Variants in DDX23 observed in about 807,000 individuals in gnomAD.
DDX23 encodes the protein probable ATP-dependent RNA helicase DDX23.
In DDX23, 33 loss-of-function variants were observed where a neutral mutation model predicts 102.7. That is an observed-to-expected ratio of 0.32 (90% CI 0.24 to 0.43). The LOEUF is 0.43. Ranked by LOEUF, DDX23 falls within the 20% of genes least tolerant of loss-of-function variation. DDX23 has a pLI of 1.00. For missense variants in DDX23, 549 were observed against 1,086.6 expected, an observed-to-expected ratio of 0.51 and a Z score of 6.96; for synonymous variants, 352 against 376.0, an observed-to-expected ratio of 0.94 and a Z score of 0.74.
intron 15 of DDX23, among the ~76,000 whole-genome samples, chr12:48,831,654 G>A (rs1938388859): frequency 6.6e-6 from 1 of 152,148 alleles, no homozygotes; most frequent in South Asian, 2.1e-4. Flanking sequence ...AAGGAAGTTG[G>A]AGAGCTGAGT....
In DDX23 at chr12:48,837,278, C is replaced by T; in HGVS notation, c.866+3G>A. On this transcript the variant is annotated splice_donor_region_variant and intron_variant, in intron 8 of 16. Transcript: ENST00000308025. ...CCTAGAACTCAGGCCTGAAGCCACTCACAGGGGGTTGTAGTCAATGGATGT... is the reference window on the plus strand; with the variant it reads ...CCTAGAACTCAGGCCTGAAGCCACTTACAGGGGGTTGTAGTCAATGGATGT... 6.2e-7 allele frequency: 1 copy of T among 1,613,216 alleles called. No homozygotes were observed. Among genetic ancestry groups the T allele is most frequent in the East Asian group, 2.2e-5 (1 of 44,848 alleles).
chr12:48,835,874 G>C (rs902585492), intron 11 of DDX23, among the ~76,000 whole-genome samples: 3 of 152,172 alleles, frequency 2.0e-5, no homozygotes, highest in Admixed American at 6.5e-5. Flanking sequence ...CTGGGTGACA[G>C]AGTGAGACTC....
At chr12:48,851,759 A>G (rs1565680911) in intron 1 of DDX23, among the ~76,000 whole-genome samples, 1 of 152,254 alleles carries the variant, frequency 6.6e-6, no homozygotes, top group Non-Finnish European at 1.5e-5. Context: ...TGCGAGAGAA[A>G]AGCCAGAGTT....
At chr12:48,838,550 T>TAAAA (rs753869273) in intron 5 of DDX23, among the ~76,000 whole-genome samples, 1 of 135,792 alleles carries the variant, frequency 7.4e-6, no homozygotes, top group African/African-American at 2.7e-5. Flanking sequence ...ACCTTACCTT[T>TAAAA]AAAAAAAAAA....
At chr12:48,839,942 G>T in intron 4 of DDX23, 33 bp from the exon 5 acceptor site, 1 of 1,613,650 alleles carries the variant, frequency 6.2e-7, no homozygotes, top group Admixed American at 1.7e-5. Flanking sequence ...GTCTATAAAG[G>T]CTCTCTCCCT....
rs1184987661 is a variant in DDX23 at position 48,832,920 on chromosome 12, A to AACATGT, written c.1803+351_1804-348dup. On this transcript the variant is annotated intron_variant, in intron 13 of 16. Coordinates refer to ENST00000308025, the MANE Select transcript of DDX23 (RefSeq NM_004818.3). The surrounding 1 kb of genome is among the most constrained non-coding windows in gnomAD (Gnocchi z 4.4). ...GTACCTAGGCACACTTCATTCTAGA[A>AACATGT]ACATGTACTCTGAGCCCACCTAAGG... The AACATGT allele has an allele frequency of 6.7e-6, 3 of 445,690 alleles. No homozygotes were observed. The highest frequency in any genetic ancestry group is 1.2e-5 in the Non-Finnish European group (3 of 246,568). The allele number at this position is 445,690 out of a possible 1,614,324, so 27.6% of individuals were successfully genotyped here.
chr12:48,837,499 G>T, intron 7 of DDX23, 25 bp downstream of exon 7: 1 of 1,613,940 alleles, frequency 6.2e-7, no homozygotes, highest in Non-Finnish European at 8.5e-7. Flanking sequence ...TGGGAGAGAA[G>T]TGAAGATGGA....
intron 1 of DDX23, among the ~76,000 whole-genome samples, chr12:48,848,996 C>T (rs995048504): frequency 1.3e-5 from 2 of 151,958 alleles, no homozygotes; most frequent in African/African-American, 4.8e-5. Context: ...TCAGGTGATC[C>T]GCCCTGAGTG....
intron 8 of DDX23, 25 bp downstream of exon 8, chr12:48,837,256 A>G: frequency 2.5e-6 from 4 of 1,608,530 alleles, no homozygotes; most frequent in Non-Finnish European, 3.4e-6. Flanking sequence ...GAAAAGACCT[A>G]GAACTCAGGC....
At chr12:48,833,671 C>T (rs1253847385) in intron 12 of DDX23, 152 bp from the exon 13 acceptor site, 1 of 928,808 alleles carries the variant, frequency 1.1e-6, no homozygotes, top group East Asian at 2.5e-5. Flanking sequence ...CTCCTGCAAA[C>T]TGGCATGAAA....
At chr12:48,831,675 C>T (rs1181319779) in intron 15 of DDX23, among the ~76,000 whole-genome samples, 5 of 152,158 alleles carry the variant, frequency 3.3e-5, no homozygotes, top group African/African-American at 1.2e-4. Context: ...GACAGGGACA[C>T]ACCCCTCCCC....
intron 12 of DDX23, 146 bp from the exon 13 acceptor site, chr12:48,833,665 T>C: frequency 1.0e-6 from 1 of 972,846 alleles, no homozygotes; most frequent in African/African-American, 1.6e-5. Flanking sequence ...TAAAGGCTCC[T>C]GCAAACTGGC....
Position 48,837,323 on chromosome 12 carries a change from T to G in DDX23, c.824A>C (p.Glu275Ala). Reference sequence around the variant, plus strand: ...GGATGTGTCCTCAGATGCATCCCACTCAAAAACAAATTTCCGGTCATTGAG... The same window carrying G: ...GGATGTGTCCTCAGATGCATCCCACGCAAAAACAAATTTCCGGTCATTGAG... ...RHLNDRKFVF[E>A]WDASEDTSID... Residue 275 changes from glutamate to alanine, a missense_variant, in exon 8 of 17, where the codon GAG (glutamate) becomes GCG (alanine). Physicochemically the swap from Glu to Ala is moderately radical, Grantham distance 107. This residue lies in a region of DDX23 where 270 missense variants were observed against 707.0 expected (regional missense o/e 0.38). Transcript: ENST00000308025. The G allele has an allele frequency of 6.2e-7, 1 of 1,614,114 alleles. No individual in the cohort carries two copies. The highest frequency in any genetic ancestry group is 8.5e-7 in the Non-Finnish European group (1 of 1,180,024).
At chr12:48,840,715 G>C (rs547751541) in intron 3 of DDX23, among the ~76,000 whole-genome samples, 1 of 151,798 alleles carries the variant, frequency 6.6e-6, no homozygotes, top group South Asian at 2.1e-4. Flanking sequence ...GCCACCACTG[G>C]CTAATTTTTA....
intron 3 of DDX23, among the ~76,000 whole-genome samples, chr12:48,841,130 A>T (rs1938544313): frequency 6.6e-6 from 1 of 152,096 alleles, no homozygotes; most frequent in Non-Finnish European, 1.5e-5. Flanking sequence ...TCACGCCTGT[A>T]ATCCCAGCAC....
At chr12:48,840,338 T>C (rs896920860) in intron 3 of DDX23, among the ~76,000 whole-genome samples, 1 of 152,060 alleles carries the variant, frequency 6.6e-6, no homozygotes, top group African/African-American at 2.4e-5. Flanking sequence ...TTGAGACTAA[T>C]CTCTTTTGGG....
At position 48,830,571 on chromosome 12, in the gene DDX23, T is replaced by C; in HGVS notation, c.2361A>G (p.Pro787=). The C allele has an allele frequency of 6.2e-7, 1 of 1,613,942 alleles. No individual in the cohort carries two copies. The highest frequency in any genetic ancestry group is 8.5e-7 in the Non-Finnish European group (1 of 1,180,016). The part of the protein sequence containing the change: ...YELKQAILES[P]VSSCPPELAN... The stretch of plus-strand genomic sequence containing the variant: ...CTAGTTCGGGGGGACAGGAAGACAC[T>C]GGGCTTTCCAGGATAGCTTGCTTCA... The change falls in exon 17 of 17, where the codon CCA becomes CCG. Residue 787 remains proline (P), a synonymous_variant. Coordinates refer to ENST00000308025, the MANE Select transcript of DDX23 (RefSeq NM_004818.3). This position sits in a 1 kb window ranked among gnomAD's most constrained non-coding sequence, Gnocchi z 4.9.
intron 5 of DDX23, among the ~76,000 whole-genome samples, chr12:48,839,041 A>G (rs1003045351): frequency 6.6e-6 from 1 of 151,950 alleles, no homozygotes; most frequent in Non-Finnish European, 1.5e-5. Context: ...ACAGATGGCT[A>G]ATTTTTAAAA....
chr12:48,836,153 C>G lies in DDX23; in HGVS notation c.1350G>C (p.Leu450=), dbSNP rs1335073508. The change falls in exon 11 of 17, where the codon CTG becomes CTC. Residue 450 remains leucine, a synonymous_variant. Transcript: ENST00000308025. This position sits in a 1 kb window ranked among gnomAD's most constrained non-coding sequence, Gnocchi z 6.1. ...TTTTGGGAAGTGTGGTGATCCAGAC[C>G]AGCAGAGGGATGAGGAAGGCTGCTG... ...GKTAAFLIPL[L]VWITTLPKID... is the part of the protein sequence containing the mutation. 1.2e-6 allele frequency: 2 copies of G among 1,613,208 alleles called. No homozygotes were observed. The highest frequency in any genetic ancestry group is 1.7e-6 in the Non-Finnish European group (2 of 1,180,046).
Sources: allele counts gnomAD v4.1 joint callset (sites outside exome capture counted in the v4.1 genomes callset), GRCh38; gene constraint gnomAD v4.1.1; regional missense constraint gnomAD v4.1.1; non-coding constraint Gnocchi (gnomAD v3.1); transcripts MANE v1.5; gene names NCBI Gene and HGNC (gene_info 2026-07-23, HGNC 2026-07-21).